Variants in MAST4 observed in about 807,000 individuals in gnomAD.
The protein encoded by MAST4 is microtubule associated serine/threonine kinase family member 4.
Under a neutral mutation model 162.7 loss-of-function variants are expected in MAST4, and 89 were observed. The observed-to-expected ratio is 0.55, with a 90% confidence interval of 0.46 to 0.65. The LOEUF (loss-of-function observed/expected upper bound fraction) is 0.65, where lower values mean the gene tolerates loss of function less well. MAST4 is among the 30% of genes least tolerant of loss of function. The pLI, the probability that MAST4 is intolerant of heterozygous loss-of-function variation, is 0.00. For missense variants in MAST4, 3,153 were observed against 3,374.0 expected (o/e 0.93, Z 1.62); for synonymous variants, 1,479 against 1,361.1 (o/e 1.09, Z -1.91).
intron 4 of MAST4, chr5:67,001,463 A>T (rs1581159072): frequency 6.6e-6 from 1 of 152,146 alleles, no homozygotes; most frequent in Admixed American, 6.5e-5. Flanking sequence ...AAAAAAAAAT[A>T]AATTTAAAGT....
intron 3 of MAST4, among the ~76,000 whole-genome samples, chr5:66,883,037 A>G (rs1024204674): frequency 8.5e-5 from 13 of 152,228 alleles, no homozygotes; most frequent in African/African-American, 2.7e-4. Flanking sequence ...AATAAAAATC[A>G]TAGTTTAAAA....
intron 4 of MAST4, among the ~76,000 whole-genome samples, chr5:67,006,760 G>A (rs533093987): frequency 6.6e-6 from 1 of 152,258 alleles, no homozygotes; most frequent in East Asian, 1.9e-4. Flanking sequence ...GGCAGTACCT[G>A]TCCAGCCTGA....
chr5:66,659,201 C>A (rs1488221940), intron 1 of MAST4, among the ~76,000 whole-genome samples: 1 of 152,122 alleles, frequency 6.6e-6, no homozygotes, highest in African/African-American at 2.4e-5. Flanking sequence ...AGCCTGAAGC[C>A]TGGAGACTGG....
In MAST4 at chr5:67,165,121, C is replaced by G. The variant is rs1194912607; in HGVS notation, c.5942C>G (p.Ala1981Gly). The change falls in exon 29 of 29, where the codon GCC becomes GGC. Residue 1981 changes from alanine to glycine, a missense_variant. This residue lies in a region of MAST4 where 1,644 missense variants were observed against 1,495.0 expected (regional missense o/e 1.10). Coordinates refer to ENST00000403625, the MANE Select transcript of MAST4 (RefSeq NM_001164664.2). ...TCGTCTGAAAGAGGCCCTCCCACAG[C>G]CAGAAGCGAGCGCTCTGCTGCGAGG... ...RESSERGPPT[A>G]RSERSAARAD... is the part of the protein sequence containing the mutation. 1 of 1,589,170 alleles carries G rather than the reference C, an allele frequency of 6.3e-7. No homozygotes were observed. The highest frequency in any genetic ancestry group is 1.7e-4 in the Middle Eastern group (1 of 6,038).
intron 3 of MAST4, among the ~76,000 whole-genome samples, chr5:66,820,143 T>C (rs1261577751): frequency 1.3e-5 from 2 of 152,042 alleles, no homozygotes; most frequent in Non-Finnish European, 2.9e-5. Flanking sequence ...TAAATACATG[T>C]ATAGCCTGAA....
chr5:66,706,697 C>A (rs1750152711), intron 1 of MAST4, among the ~76,000 whole-genome samples: 1 of 151,484 alleles, frequency 6.6e-6, no homozygotes, highest in Admixed American at 6.6e-5. Context: ...CCATTTTATT[C>A]TCCATACCTG....
At chr5:66,762,140 T>C (rs1753880468) in intron 2 of MAST4, among the ~76,000 whole-genome samples, 1 of 152,236 alleles carries the variant, frequency 6.6e-6, no homozygotes, top group Non-Finnish European at 1.5e-5. Flanking sequence ...TCTCTTGTCA[T>C]AATTTTAACA....
At chr5:67,100,828 T>G (rs1764943913) in intron 8 of MAST4, among the ~76,000 whole-genome samples, 1 of 152,198 alleles carries the variant, frequency 6.6e-6, no homozygotes, top group Non-Finnish European at 1.5e-5. Context: ...ATCACGATGG[T>G]CTTGGGACTA....
chr5:66,780,826 G>T (rs138765469), intron 2 of MAST4, among the ~76,000 whole-genome samples: 251 of 152,216 alleles, frequency 1.6e-3, no homozygotes, highest in African/African-American at 5.6e-3. Flanking sequence ...TTTTTACAGA[G>T]TGCGGATTGG....
At chr5:66,742,181 G>A (rs762762188) in intron 1 of MAST4, among the ~76,000 whole-genome samples, 8 of 152,182 alleles carry the variant, frequency 5.3e-5, no homozygotes, top group Admixed American at 1.3e-4. Context: ...CACTTGGAGC[G>A]TGAGAGACGG....
chr5:66,963,689 CGTT>C (rs781044247), intron 4 of MAST4: 33 of 779,556 alleles, frequency 4.2e-5, no homozygotes, highest in East Asian at 3.6e-4. Context: ...CTTGGAATGA[CGTT>C]ATTTTAACTT....
intron 4 of MAST4, among the ~76,000 whole-genome samples, chr5:66,997,417 GT>G (rs200331098): frequency 0.027 from 3,885 of 143,368 alleles, 156 homozygotes; most frequent in African/African-American, 0.082. Context: ...TAATTAATGT[GT>G]TTTTTTTCTT....
intron 5 of MAST4, among the ~76,000 whole-genome samples, chr5:67,061,840 C>G (rs1759648120): frequency 6.7e-6 from 1 of 149,540 alleles, no homozygotes; most frequent in African/African-American, 2.5e-5. Context: ...AAAAAAAAAT[C>G]TGAATTCTTT....
intron 4 of MAST4, among the ~76,000 whole-genome samples, chr5:67,021,841 T>C (rs1754021676): frequency 6.6e-6 from 1 of 152,206 alleles, no homozygotes; most frequent in African/African-American, 2.4e-5. Flanking sequence ...AAAAAATGTA[T>C]TGAGGAGTCA....
At position 67,162,617 on chromosome 5, in the gene MAST4, CTT is replaced by C; in HGVS notation, c.3799_3800del (p.Phe1267GlnfsTer28). The C allele has an allele frequency of 6.2e-7, 1 of 1,613,514 alleles. No individual in the cohort carries two copies. The highest frequency in any genetic ancestry group is 8.5e-7 in the Non-Finnish European group (1 of 1,179,684). On this transcript the variant is annotated frameshift_variant, in exon 28 of 29. Coordinates refer to ENST00000403625, the MANE Select transcript of MAST4 (RefSeq NM_001164664.2). LOFTEE classifies it high-confidence loss of function. ...KKESLERRRSLFKKLAKQPSP... is the reference protein window; with the variant it reads ...KKESLERRRSXFKKLAKQPSP... ...CCTGTTTTTCTGTAGGAGGAGATCT[CTT>C]TTCAAAAAGCTAGCCAAGCAGCCTT...
At chr5:66,646,564 G>A (rs976092225) in intron 1 of MAST4, among the ~76,000 whole-genome samples, 1 of 152,134 alleles carries the variant, frequency 6.6e-6, no homozygotes, top group Non-Finnish European at 1.5e-5. Context: ...CAGGAAGCTA[G>A]GATTGTAAGG....
At chr5:67,034,510 G>A (rs1458799499) in intron 4 of MAST4, among the ~76,000 whole-genome samples, 2 of 152,094 alleles carry the variant, frequency 1.3e-5, no homozygotes, top group Non-Finnish European at 2.9e-5. Flanking sequence ...ATTCAATAGC[G>A]AGAGTCAGGC....
chr5:67,053,651 G>C (rs1758448612), intron 4 of MAST4, among the ~76,000 whole-genome samples: 1 of 152,164 alleles, frequency 6.6e-6, no homozygotes, highest in South Asian at 2.1e-4. Context: ...TAAGGCTTTT[G>C]AAAGTTACTT....
At chr5:67,069,379 T>C (rs1413794972) in intron 5 of MAST4, among the ~76,000 whole-genome samples, 1 of 151,096 alleles carries the variant, frequency 6.6e-6, no homozygotes, top group Non-Finnish European at 1.5e-5. Context: ...TAAAGAAGAT[T>C]TTCTTTCACC....
Sources: allele counts gnomAD v4.1 joint callset (sites outside exome capture counted in the v4.1 genomes callset), GRCh38; gene constraint gnomAD v4.1.1; regional missense constraint gnomAD v4.1.1; transcripts MANE v1.5; gene names NCBI Gene and HGNC (gene_info 2026-07-23, HGNC 2026-07-21).